The following CASP9 variants were observed in gnomAD, a reference collection of about 807,000 sequenced individuals.
CASP9 encodes the protein caspase-9.
A neutral mutation model predicts 43.5 loss-of-function variants in CASP9; 29 were observed. The ratio of observed to expected loss-of-function variants is 0.67; its 90% CI spans 0.50 to 0.91. The LOEUF is 0.91. Ranked by LOEUF, CASP9 falls within the 40% of genes least tolerant of loss-of-function variation. CASP9 has a pLI of 0.00. For synonymous variants in CASP9, 206 were observed against 211.9 expected (o/e 0.97, Z 0.24); for missense variants, 575 against 537.4 (o/e 1.07, Z -0.69).
chr1:15,496,264 A>G (rs1449307031), intron 6 of CASP9, among the ~76,000 whole-genome samples: 1 of 152,226 alleles, frequency 6.6e-6, no homozygotes, highest in Non-Finnish European at 1.5e-5. Flanking sequence ...GAAGGAAACT[A>G]CCTCAACATA....
chr1:15,513,183 G>A (rs955193242), intron 2 of CASP9, among the ~76,000 whole-genome samples: 1 of 150,824 alleles, frequency 6.6e-6, no homozygotes, highest in Non-Finnish European at 1.5e-5. Context: ...AAAAACGAAC[G>A]GCTCATTCTC....
At chr1:15,524,890 C>T, upstream of CASP9, 2 of 472,298 alleles carry the variant, frequency 4.2e-6, no homozygotes, top group Middle Eastern at 1.2e-3. Context: ...CATTCCGCGC[C>T]ACCGCCCCGC....
rs1708901202 is a variant in CASP9, at chr1:15,491,741, G to C, written c.*1202C>G. 5.6e-6 allele frequency: 1 copy of C among 177,972 alleles called. No individual in the cohort carries two copies. The highest frequency in any genetic ancestry group is 2.4e-5 in the African/African-American group (1 of 41,820). 11.0% of individuals were successfully genotyped at this position (177,972 alleles called of 1,614,324 possible). ...TCATTGCACTCCAGCCTGGGCGACA[G>C]AGTGAGACCCTATCTCCAAAAAAAA... On this transcript the variant is annotated 3_prime_UTR_variant, in exon 9 of 9. Coordinates refer to ENST00000333868, the MANE Select transcript of CASP9 (RefSeq NM_001229.5).
chr1:15,508,270 TTAC>T (rs1239969180), intron 2 of CASP9, among the ~76,000 whole-genome samples: 1 of 152,046 alleles, frequency 6.6e-6, no homozygotes, highest in African/African-American at 2.4e-5. Flanking sequence ...CAAGAGAACA[TTAC>T]ACAGCCTAAA....
chr1:15,522,306 T>C (rs907999100), intron 1 of CASP9, among the ~76,000 whole-genome samples: 5 of 152,264 alleles, frequency 3.3e-5, no homozygotes, highest in African/African-American at 4.8e-5. Context: ...CCATACTGAA[T>C]GGCAAAATGG....
intron 2 of CASP9, 66 bp from the exon 3 acceptor site, chr1:15,507,973 T>G: frequency 2.0e-6 from 3 of 1,529,682 alleles, no homozygotes; most frequent in Non-Finnish European, 2.7e-6. Flanking sequence ...CAAGGGGCTC[T>G]GTGAGGACAG....
At chr1:15,521,106 G>A (rs1233748335) in intron 1 of CASP9, among the ~76,000 whole-genome samples, 4 of 149,432 alleles carry the variant, frequency 2.7e-5, no homozygotes, top group Admixed American at 6.7e-5. Context: ...GCAGTGAGCC[G>A]AGATTGCGGC....
chr1:15,522,831 G>A (rs1200254385), intron 1 of CASP9, among the ~76,000 whole-genome samples: 3 of 152,238 alleles, frequency 2.0e-5, no homozygotes, highest in Admixed American at 2.0e-4. Flanking sequence ...TCCTCCATGG[G>A]CATTTGAGTT....
intron 2 of CASP9, among the ~76,000 whole-genome samples, chr1:15,509,314 C>A (rs548138985): frequency 6.6e-6 from 1 of 152,124 alleles, no homozygotes; most frequent in South Asian, 2.1e-4. Context: ...ACACGCAATG[C>A]GGGATAACCT....
chr1:15,518,365 C>A lies in CASP9; in HGVS notation c.163G>T (p.Ala55Ser). ...TCCAGATCTATGATCAGCTGCCTGG[C>A]CTGATCCCGCCGAGATCCAGAGCCT... The part of the protein sequence containing the change: ...RAGSGSRRDQ[A>S]RQLIIDLETR... The change falls in exon 2 of 9, where the codon GCC becomes TCC. Residue 55 changes from alanine (A) to serine (S), a missense_variant. Physicochemically the swap from Ala to Ser is moderately conservative, Grantham distance 99. Coordinates refer to ENST00000333868, the MANE Select transcript of CASP9 (RefSeq NM_001229.5). 1 of 1,613,564 alleles carries A rather than the reference C, an allele frequency of 6.2e-7. No individual in the cohort carries two copies.
chr1:15,494,210 T>C (rs905930886), intron 7 of CASP9, among the ~76,000 whole-genome samples: 2 of 152,124 alleles, frequency 1.3e-5, no homozygotes, highest in African/African-American at 4.8e-5. Flanking sequence ...CTATAATTCC[T>C]GTTTTCCCAG....
At chr1:15,501,178 C>G (rs954729208) in intron 6 of CASP9, among the ~76,000 whole-genome samples, 1 of 152,152 alleles carries the variant, frequency 6.6e-6, no homozygotes, top group South Asian at 2.1e-4. Context: ...CTTCTCAGCC[C>G]GATCTCTCAA....
intron 4 of CASP9, 36 bp downstream of exon 4, chr1:15,506,863 C>T (rs1557543676): frequency 1.3e-6 from 2 of 1,555,368 alleles, no homozygotes; most frequent in Non-Finnish European, 1.8e-6. Flanking sequence ...ACCCACTGCC[C>T]CCCACCCTGT....
At chr1:15,496,112 T>C (rs1709096277) in intron 6 of CASP9, among the ~76,000 whole-genome samples, 1 of 151,256 alleles carries the variant, frequency 6.6e-6, no homozygotes, top group Non-Finnish European at 1.5e-5. Context: ...ACTTCTTAAA[T>C]TGACTGAGAC....
At position 15,521,740 on chromosome 1, in the gene CASP9, G is replaced by A. The variant is rs111943749; in HGVS notation, c.132+2329C>T. Among the ~76,000 whole-genome samples the A allele has an allele frequency of 9.6e-3, 1,459 of 152,024 alleles. 23 individuals are homozygous for A. The highest frequency in any genetic ancestry group is 0.032 in the African/African-American group (1,334 of 41,376). ...TTCGGGGCCACTACCCTGTCTCCAC[G>A]TCTAGGTGGTAGTGGTCCCCCGGGC... On this transcript the variant is annotated intron_variant, in intron 1 of 8. Coordinates refer to ENST00000333868, the MANE Select transcript of CASP9 (RefSeq NM_001229.5).
At chr1:15,500,413 C>A (rs943853937) in intron 6 of CASP9, among the ~76,000 whole-genome samples, 3 of 152,188 alleles carry the variant, frequency 2.0e-5, no homozygotes, top group Non-Finnish European at 4.4e-5. Context: ...CTGGCAGGAA[C>A]AGAGGTGGCT....
chr1:15,496,373 G>C (rs1709105209), intron 6 of CASP9, among the ~76,000 whole-genome samples: 1 of 152,144 alleles, frequency 6.6e-6, no homozygotes, highest in Admixed American at 6.6e-5. Context: ...AAGAATTTCT[G>C]CTTTTGCCAC....
chr1:15,506,795 G>T, intron 4 of CASP9, 104 bp downstream of exon 4: 1 of 973,324 alleles, frequency 1.0e-6, no homozygotes, highest in Non-Finnish European at 1.6e-6. Flanking sequence ...TCCTCCAGAT[G>T]TAAGGGCTCG....
At position 15,492,965 on chromosome 1, in the gene CASP9, T is replaced by G; in HGVS notation, c.1229A>C (p.Lys410Thr). The G allele has an allele frequency of 6.2e-7, 1 of 1,614,056 alleles. No individual in the cohort carries two copies. Among genetic ancestry groups the G allele is most frequent in the Non-Finnish European group, 8.5e-7 (1 of 1,180,046 alleles). The change falls in exon 9 of 9, where the codon AAA becomes ACA. Residue 410 changes from lysine to threonine, a missense_variant. By Grantham distance (78) the Lys-to-Thr change is moderately conservative. Coordinates refer to ENST00000333868, the MANE Select transcript of CASP9 (RefSeq NM_001229.5). ...MPGCFNFLRK[K>T]LFFKTS ...GCCTTATGATGTTTTAAAGAAAAGTTTTTTCCGGAGGAAATTAAAGCAACC... is the reference window on the plus strand; with the variant it reads ...GCCTTATGATGTTTTAAAGAAAAGTGTTTTCCGGAGGAAATTAAAGCAACC...
Sources: gnomAD v4.1 joint callset for allele counts (sites outside exome capture counted in the v4.1 genomes callset) on GRCh38, gnomAD v4.1.1 for gene constraint, MANE v1.5 for transcripts, NCBI Gene and HGNC (gene_info 2026-07-23, HGNC 2026-07-21) for gene names.